COL20A1: variants seen among roughly 807,000 people sequenced by gnomAD.
COL20A1 encodes the protein collagen type XX alpha 1 chain.
A neutral mutation model predicts 152.9 loss-of-function variants in COL20A1; 164 were observed. That is an observed-to-expected ratio of 1.07 (90% CI 0.94 to 1.22). The LOEUF (loss-of-function observed/expected upper bound fraction) is 1.22, where lower values mean the gene tolerates loss of function less well. COL20A1 is among the 50% of genes most tolerant of loss of function. The pLI, the probability that COL20A1 is intolerant of heterozygous loss-of-function variation, is 0.00. For synonymous variants in COL20A1, 864 were observed against 756.0 expected (o/e 1.14, Z -2.34); for missense variants, 1,873 against 1,744.8 (o/e 1.07, Z -1.31).
chr20:63,322,798 TC>T (rs1377754246), intron 27 of COL20A1, among the ~76,000 whole-genome samples: 1 of 152,138 alleles, frequency 6.6e-6, no homozygotes, highest in Non-Finnish European at 1.5e-5. Flanking sequence ...CACCCACCTC[TC>T]CCCCGGCAGC....
Position 63,327,982 on chromosome 20 carries a change from G to C in COL20A1, c.3559G>C (p.Glu1187Gln). The change falls in exon 32 of 36, where the codon GAG (glutamate) becomes CAG (glutamine). Residue 1187 changes from glutamate (E) to glutamine (Q), a missense_variant. Transcript: ENST00000358894. ...GCCAGGGCCCAAAGGGGAACGAGGA[G>C]AGAAGGTAAGTGAGGCTGAGATCTT... is the stretch of plus-strand genomic sequence containing the variant. ...GLPGPKGERGEKGEPQSLATL... is the reference protein window; with the variant it reads ...GLPGPKGERGQKGEPQSLATL... 1 of 1,608,458 alleles carries C rather than the reference G, an allele frequency of 6.2e-7. No homozygotes were observed. Among genetic ancestry groups the C allele is most frequent in the Non-Finnish European group, 8.5e-7 (1 of 1,177,466 alleles).
At chr20:63,322,831 C>G (rs1329383857) in intron 27 of COL20A1, among the ~76,000 whole-genome samples, 1 of 152,268 alleles carries the variant, frequency 6.6e-6, no homozygotes, top group Non-Finnish European at 1.5e-5. Flanking sequence ...TTCCACATCC[C>G]CGTGAGCAAA....
At chr20:63,325,595 A>T in intron 28 of COL20A1, 73 bp from the exon 29 acceptor site, 2 of 1,551,238 alleles carry the variant, frequency 1.3e-6, no homozygotes, top group Non-Finnish European at 1.8e-6. Flanking sequence ...GTTGGGGGTG[A>T]GGCCTCACAG....
intron 30 of COL20A1, 74 bp downstream of exon 30, chr20:63,326,223 C>A (rs2068246284): frequency 8.2e-6 from 10 of 1,212,630 alleles, no homozygotes; most frequent in Non-Finnish European, 1.1e-5. Context: ...AGAGGCCAGT[C>A]TGAACACCAG....
Position 63,313,605 on chromosome 20 carries a change from G to A in COL20A1, c.2210-138G>A. 1 of 840,514 alleles carries A rather than the reference G, an allele frequency of 1.2e-6. No homozygotes were observed. The highest frequency in any genetic ancestry group is 1.8e-5 in the South Asian group (1 of 54,850). 52.1% of individuals were successfully genotyped at this position (840,514 alleles called of 1,614,324 possible). On this transcript the variant is annotated intron_variant, in intron 17 of 35. Coordinates refer to ENST00000358894, the MANE Select transcript of COL20A1 (RefSeq NM_020882.4). The surrounding 1 kb of genome is among the most constrained non-coding windows in gnomAD (Gnocchi z 5.9). ...GTGGTTGTGCCAGGGGGGTGATGCG[G>A]GCTGTGGTAGGGGTGTGGCATGATG...
chr20:63,304,631 A>G (rs113013943), intron 3 of COL20A1, among the ~76,000 whole-genome samples: 96 of 74,294 alleles, frequency 1.3e-3, no homozygotes, highest in Admixed American at 1.8e-3. Context: ...AGCTGCGCAG[A>G]TGTGGGTTCC....
At chr20:63,325,852 G>A in intron 29 of COL20A1, 131 bp downstream of exon 29, 1 of 861,916 alleles carries the variant, frequency 1.2e-6, no homozygotes, top group South Asian at 1.6e-5. Context: ...CTCACCTGCT[G>A]CACCACCCCC....
Position 63,308,536 on chromosome 20 carries a change from C to T in COL20A1, c.776-6C>T. On this transcript the variant is annotated splice_polypyrimidine_tract_variant and splice_region_variant and intron_variant, in intron 7 of 35. Transcript: ENST00000358894. Reference sequence around the variant, plus strand: ...TGCCTGTCACTTTATTCCTGCTGCTCCCAAGGCCTTGCCCTGACCCACGTG... The same window carrying T: ...TGCCTGTCACTTTATTCCTGCTGCTTCCAAGGCCTTGCCCTGACCCACGTG... The T allele has an allele frequency of 6.3e-7, 1 of 1,582,702 alleles. No homozygotes were observed. The highest frequency in any genetic ancestry group is 2.3e-5 in the East Asian group (1 of 43,888).
rs1339761223 is a variant in COL20A1 at position 63,295,196 on chromosome 20, A to G, written c.82+7A>G. ...GGAAGAGAGCAAGTTCAAGGTAAGG[A>G]CACTGGCAGTGGGCCCCTGCTTGCC... On this transcript the variant is annotated splice_region_variant and intron_variant, in intron 2 of 35. Transcript: ENST00000358894. 1 of 1,547,556 alleles carries G rather than the reference A, an allele frequency of 6.5e-7. No homozygotes were observed. The highest frequency in any genetic ancestry group is 2.0e-5 in the Admixed American group (1 of 51,106).
At position 63,309,759 on chromosome 20, in the gene COL20A1, A is replaced by C; in HGVS notation, c.1107A>C (p.Ala369=). 3 of 1,570,726 alleles carry C rather than the reference A, an allele frequency of 1.9e-6. No individual in the cohort carries two copies. Among genetic ancestry groups the C allele is most frequent in the Non-Finnish European group, 2.6e-6 (3 of 1,161,252 alleles). Residue 369 remains alanine, a splice_region_variant and synonymous_variant, in exon 10 of 36, where the codon GCA becomes GCC. Coordinates refer to ENST00000358894, the MANE Select transcript of COL20A1 (RefSeq NM_020882.4). Reference sequence around the variant, plus strand: ...CCCCCACTCCCGCTACTCCAGCAGCAGCGGCTCCAGCCCTGGACACCCTCC... The same window carrying C: ...CCCCCACTCCCGCTACTCCAGCAGCCGCGGCTCCAGCCCTGGACACCCTCC... The part of the protein sequence containing the change: ...LQGGSPRQGP[A]AAPALDTLPA...
Position 63,311,812 on chromosome 20 carries a change from C to T in COL20A1, c.1663+64C>T, listed in dbSNP as rs1356545762. 1.3e-6 allele frequency: 2 copies of T among 1,538,974 alleles called. No homozygotes were observed. The highest frequency in any genetic ancestry group is 1.4e-5 in the African/African-American group (1 of 73,390). Reference sequence around the variant, plus strand: ...TGCCCCATCTTGTTCCTCAGCCTTCCATGGCATGGGAGACCTCAGGCCCCC... The same window carrying T: ...TGCCCCATCTTGTTCCTCAGCCTTCTATGGCATGGGAGACCTCAGGCCCCC... On this transcript the variant is annotated intron_variant, in intron 13 of 35. Transcript: ENST00000358894. The surrounding 1 kb of genome is among the most constrained non-coding windows in gnomAD (Gnocchi z 4.4).
chr20:63,316,168 A>C lies in COL20A1; in HGVS notation c.2525-385A>C, dbSNP rs111841895. On this transcript the variant is annotated intron_variant, in intron 20 of 35. Transcript: ENST00000358894. ...CCTGGGCGGGCGGGGGACGCGGTGC[A>C]GTGGGCTTGCTGGGGGGCAGGGGCG... Among the ~76,000 whole-genome samples, 822 of 140,374 alleles carry C rather than the reference A, an allele frequency of 5.9e-3. 12 individuals are homozygous for C. The highest frequency in any genetic ancestry group is 0.021 in the African/African-American group (779 of 37,128). 92.1% of individuals were successfully genotyped at this position (140,374 alleles called of 152,430 possible). A position where few individuals can be genotyped will look rare whatever the true frequency, so the allele number is the denominator to read the frequency against.
chr20:63,313,367 G>A lies in COL20A1; in HGVS notation c.2209+118G>A. The A allele has an allele frequency of 8.7e-7, 1 of 1,155,516 alleles. No individual in the cohort carries two copies. The highest frequency in any genetic ancestry group is 1.6e-5 in the South Asian group (1 of 64,058). 71.6% of individuals were successfully genotyped at this position (1,155,516 alleles called of 1,614,324 possible). The stretch of plus-strand genomic sequence containing the variant: ...GACTCCCAGAACTGCTGGCTCCAGA[G>A]CCCTGATCACTGGGCCTGGTCGTTG... On this transcript the variant is annotated intron_variant, in intron 17 of 35. Coordinates refer to ENST00000358894, the MANE Select transcript of COL20A1 (RefSeq NM_020882.4). This position sits in a 1 kb window ranked among gnomAD's most constrained non-coding sequence, Gnocchi z 5.9.
At chr20:63,302,136 A>G (rs2067869841) in intron 3 of COL20A1, among the ~76,000 whole-genome samples, 1 of 152,070 alleles carries the variant, frequency 6.6e-6, no homozygotes, top group Admixed American at 6.5e-5. Flanking sequence ...CCCCCTCTAC[A>G]TTCTATATTA....
At chr20:63,308,122 T>TGCCC (rs747414084) in intron 7 of COL20A1, 32 bp downstream of exon 7, 3 of 1,607,782 alleles carry the variant, frequency 1.9e-6, no homozygotes, top group African/African-American at 2.7e-5. Context: ...CCCTCTGTCC[T>TGCCC]GAGGGCGGAC....
At chr20:63,299,142 G>C (rs1417156397) in intron 3 of COL20A1, among the ~76,000 whole-genome samples, 1 of 152,188 alleles carries the variant, frequency 6.6e-6, no homozygotes. Context: ...GATCTCTTCT[G>C]CTATTGATGG....
chr20:63,297,330 TAGCTC>T (rs1358342358), intron 2 of COL20A1, among the ~76,000 whole-genome samples: 3 of 119,150 alleles, frequency 2.5e-5, no homozygotes, highest in African/African-American at 6.7e-5. Context: ...TCAGGGGACT[TAGCTC>T]AGGGGACCCA....
At chr20:63,327,865 A>G in intron 31 of COL20A1, 87 bp from the exon 32 acceptor site, 1 of 1,353,194 alleles carries the variant, frequency 7.4e-7, no homozygotes. Context: ...TGCCTGAGTG[A>G]GGATCCACCT....
rs752602307 is a variant in COL20A1, at chr20:63,321,027, C to G, written c.3168C>G (p.Thr1056=). ...TCTTCTTCCAGAGGGATGGAGAGAC[C>G]TGCCCCGCCTTCGTGTCTGCCTGTT... ...CELPASRDGE[T]CPAFVSACSC... Residue 1056 remains threonine, a synonymous_variant, in exon 26 of 36, where the codon ACC becomes ACG. Transcript: ENST00000358894. The G allele has an allele frequency of 6.3e-7, 1 of 1,581,986 alleles. No homozygotes were observed. The highest frequency in any genetic ancestry group is 1.2e-5 in the South Asian group (1 of 85,992).
Sources: gnomAD v4.1 joint callset for allele counts (sites outside exome capture counted in the v4.1 genomes callset) on GRCh38, gnomAD v4.1.1 for gene constraint, Gnocchi (gnomAD v3.1) non-coding constraint, MANE v1.5 for transcripts, NCBI Gene and HGNC (gene_info 2026-07-23, HGNC 2026-07-21) for gene names.